Variants in CNTN5 observed in about 807,000 individuals in gnomAD.
The protein encoded by CNTN5 is contactin-5.
A neutral mutation model predicts 129.1 loss-of-function variants in CNTN5; 77 were observed. The observed-to-expected ratio is 0.60, with a 90% CI of 0.50 to 0.72. The LOEUF (loss-of-function observed/expected upper bound fraction) is 0.72, where lower values mean the gene tolerates loss of function less well. Among genes scored for constraint, CNTN5 ranks in the 30% least tolerant of loss-of-function variants. CNTN5 has a pLI of 0.00. For missense variants in CNTN5, 1,478 were observed against 1,328.8 expected (o/e 1.11, Z -1.75); for synonymous variants, 509 against 465.6 (o/e 1.09, Z -1.20).
At chr11:99,140,569 C>A (rs1859463829) in intron 1 of CNTN5, among the ~76,000 whole-genome samples, 2 of 151,962 alleles carry the variant, frequency 1.3e-5, no homozygotes, top group African/African-American at 4.8e-5. Context: ...CTTGCTTGTT[C>A]CAGTTCTCAA....
chr11:99,836,977 C>G (rs950317336), intron 4 of CNTN5, among the ~76,000 whole-genome samples: 1 of 152,116 alleles, frequency 6.6e-6, no homozygotes, highest in African/African-American at 2.4e-5. Flanking sequence ...CCAGAGGTCA[C>G]TCTCATGGCT....
chr11:99,271,427 A>C (rs116353279), intron 1 of CNTN5, among the ~76,000 whole-genome samples: 3 of 151,920 alleles, frequency 2.0e-5, no homozygotes, highest in Non-Finnish European at 4.4e-5. Flanking sequence ...ACTTTGACAA[A>C]ATTTATTCAT....
At chr11:99,358,127 C>T (rs1028935373) in intron 2 of CNTN5, among the ~76,000 whole-genome samples, 16 of 144,096 alleles carry the variant, frequency 1.1e-4, no homozygotes, top group Non-Finnish European at 2.3e-4. Flanking sequence ...CTCGCTCTGT[C>T]GCCCAGGCTG....
At chr11:99,396,667 C>T (rs901933226) in intron 2 of CNTN5, among the ~76,000 whole-genome samples, 2 of 151,544 alleles carry the variant, frequency 1.3e-5, no homozygotes, top group Non-Finnish European at 3.0e-5. Context: ...AAGAAAGCTG[C>T]TTTTGTCATA....
At chr11:99,833,970 A>G (rs1420332643) in intron 4 of CNTN5, among the ~76,000 whole-genome samples, 1 of 152,164 alleles carries the variant, frequency 6.6e-6, no homozygotes, top group Non-Finnish European at 1.5e-5. Context: ...AATGTCCTAT[A>G]ATTGCAAAGC....
intron 16 of CNTN5, among the ~76,000 whole-genome samples, chr11:100,227,327 G>A (rs1024464717): frequency 7.9e-5 from 12 of 152,022 alleles, no homozygotes; most frequent in African/African-American, 1.2e-4. Context: ...CAACCTTGCC[G>A]CTCATGAACA....
chr11:99,559,191 A>T (rs1318889262), intron 3 of CNTN5, among the ~76,000 whole-genome samples: 1 of 152,112 alleles, frequency 6.6e-6, no homozygotes, highest in African/African-American at 2.4e-5. Flanking sequence ...TGGCACACTG[A>T]GTTAATTACT....
intron 1 of CNTN5, among the ~76,000 whole-genome samples, chr11:99,246,151 A>G (rs1861804229): frequency 6.6e-6 from 1 of 152,242 alleles, no homozygotes; most frequent in Non-Finnish European, 1.5e-5. Flanking sequence ...GATCTGAAAC[A>G]TATCTTCACA....
At chr11:99,465,022 G>A (rs1565204971) in intron 2 of CNTN5, among the ~76,000 whole-genome samples, 1 of 152,140 alleles carries the variant, frequency 6.6e-6, no homozygotes, top group Non-Finnish European at 1.5e-5. Context: ...ATTCTGCTAG[G>A]AGTTATTTCT....
chr11:99,116,720 C>A (rs541637016), intron 1 of CNTN5, among the ~76,000 whole-genome samples: 1 of 152,052 alleles, frequency 6.6e-6, no homozygotes, highest in Non-Finnish European at 1.5e-5. Flanking sequence ...TAATATCTGA[C>A]TTGAGAAAGT....
At chr11:99,510,903 A>T (rs1230462723) in intron 2 of CNTN5, among the ~76,000 whole-genome samples, 1 of 152,178 alleles carries the variant, frequency 6.6e-6, no homozygotes, top group Non-Finnish European at 1.5e-5. Flanking sequence ...AGAGGAAGTC[A>T]TTATTATAAT....
chr11:99,982,057 A>C (rs1003954402), intron 8 of CNTN5, among the ~76,000 whole-genome samples: 17 of 152,236 alleles, frequency 1.1e-4, no homozygotes, highest in African/African-American at 4.1e-4. Context: ...TGGTTATAGA[A>C]AATATTCTTG....
intron 1 of CNTN5, among the ~76,000 whole-genome samples, chr11:99,275,587 G>A (rs879801722): frequency 7.9e-5 from 12 of 151,506 alleles, no homozygotes; most frequent in Non-Finnish European, 1.6e-4. Flanking sequence ...CAGGTCAGCG[G>A]GATTCCTCAT....
chr11:99,251,166 C>T (rs1862081081), intron 1 of CNTN5, among the ~76,000 whole-genome samples: 1 of 151,906 alleles, frequency 6.6e-6, no homozygotes, highest in Admixed American at 6.6e-5. Context: ...AAACAAAAGT[C>T]ATCTAAGCAA....
intron 1 of CNTN5, among the ~76,000 whole-genome samples, chr11:99,129,855 G>A (rs558606507): frequency 1.3e-5 from 2 of 152,280 alleles, no homozygotes; most frequent in South Asian, 4.1e-4. Context: ...TTCATATCCA[G>A]CCAAACTAAG....
At chr11:99,958,737 T>G (rs867849906) in intron 8 of CNTN5, among the ~76,000 whole-genome samples, 3 of 152,226 alleles carry the variant, frequency 2.0e-5, no homozygotes, top group Non-Finnish European at 1.5e-5. Context: ...CCAAAACTTC[T>G]GAGCCCCTTT....
At chr11:99,687,336 G>A (rs1200255267) in intron 3 of CNTN5, among the ~76,000 whole-genome samples, 1 of 151,998 alleles carries the variant, frequency 6.6e-6, no homozygotes, top group East Asian at 1.9e-4. Flanking sequence ...AATTTACTAA[G>A]TAATTAGATG....
intron 13 of CNTN5, among the ~76,000 whole-genome samples, chr11:100,139,728 A>G (rs1331352529): frequency 6.6e-6 from 1 of 151,978 alleles, no homozygotes; most frequent in Non-Finnish European, 1.5e-5. Flanking sequence ...GCCGGGTGTG[A>G]TGGCACATAC....
intron 6 of CNTN5, among the ~76,000 whole-genome samples, chr11:99,910,557 T>C (rs1360792734): frequency 6.6e-6 from 1 of 152,130 alleles, no homozygotes; most frequent in African/African-American, 2.4e-5. Context: ...TTCCAAACAT[T>C]GAATTGCTTT....
Sources: gnomAD v4.1 joint callset for allele counts (sites outside exome capture counted in the v4.1 genomes callset) on GRCh38, gnomAD v4.1.1 for gene constraint, MANE v1.5 for transcripts, NCBI Gene and HGNC (gene_info 2026-07-23, HGNC 2026-07-21) for gene names.